KLRK1: variants seen among roughly 807,000 people sequenced by gnomAD.
KLRK1 encodes the protein killer cell lectin like receptor K1, also known as NKG2-D type II integral membrane protein.
A neutral mutation model predicts 31.3 loss-of-function variants in KLRK1; 40 were observed. The ratio of observed to expected loss-of-function variants is 1.28; its 90% CI spans 0.99 to 1.67. The LOEUF (loss-of-function observed/expected upper bound fraction) is 1.67. KLRK1 is among the 40% of genes most tolerant of loss of function. The pLI is 0.00. For missense variants in KLRK1, 251 were observed against 260.0 expected, an observed-to-expected ratio of 0.97 and a Z score of 0.24; for synonymous variants, 77 against 77.3, an observed-to-expected ratio of 1.00 and a Z score of 0.02.
At chr12:10,374,395 C>CTTTTTTTT (rs1412379809) in intron 7 of KLRK1, among the ~76,000 whole-genome samples, 13 of 93,960 alleles carry the variant, frequency 1.4e-4, no homozygotes, top group African/African-American at 5.8e-4. Context: ...TTTCCTCTCT[C>CTTTTTTTT]TCTTTTTTTT....
At chr12:10,387,264 G>A (rs916153326) in intron 2 of KLRK1, among the ~76,000 whole-genome samples, 2 of 152,062 alleles carry the variant, frequency 1.3e-5, no homozygotes, top group African/African-American at 2.4e-5. Context: ...TAGTTAATTC[G>A]TAATGTATAA....
At chr12:10,379,505 T>A in intron 4 of KLRK1, 23 bp from the exon 5 acceptor site, 1 of 1,443,784 alleles carries the variant, frequency 6.9e-7, no homozygotes, top group Non-Finnish European at 9.5e-7. Flanking sequence ...CCATAAGTAT[T>A]AAAAGTTTGT....
intron 7 of KLRK1, among the ~76,000 whole-genome samples, chr12:10,376,618 G>A (rs1246445359): frequency 6.6e-6 from 1 of 151,662 alleles, no homozygotes; most frequent in Non-Finnish European, 1.5e-5. Context: ...AACTAAAAAA[G>A]CAAATTTAAC....
chr12:10,384,698 T>TACA (rs1863134903), intron 3 of KLRK1, among the ~76,000 whole-genome samples: 4 of 152,034 alleles, frequency 2.6e-5, no homozygotes, highest in African/African-American at 9.7e-5. Context: ...AAAGATTTTA[T>TACA]GGGTAAGAAT....
chr12:10,376,122 G>T (rs1356395720), intron 7 of KLRK1, among the ~76,000 whole-genome samples: 1 of 152,152 alleles, frequency 6.6e-6, no homozygotes, highest in Non-Finnish European at 1.5e-5. Flanking sequence ...AAGATTTAGG[G>T]TAAACAATAC....
At position 10,372,909 on chromosome 12, in the gene KLRK1, A is replaced by T; in HGVS notation, c.*205T>A. ...CCTTGGGGATATCTGAATTGCCTTT[A>T]GGATCTCTCTTCTTTTGTCTTGGAG... On this transcript the variant is annotated 3_prime_UTR_variant, in exon 8 of 8. Coordinates refer to ENST00000240618, the MANE Select transcript of KLRK1 (RefSeq NM_007360.4). The T allele has an allele frequency of 1.9e-6, 1 of 516,688 alleles. No homozygotes were observed. 32.0% of individuals were successfully genotyped at this position (516,688 alleles called of 1,614,324 possible).
Position 10,388,378 on chromosome 12 carries a change from G to C in KLRK1, c.40+393C>G, listed in dbSNP as rs1591587510. ...TGATTTGAATATTACACAAATCTAA[G>C]ATAAATATGGAATGTTTCATGCCTG... is the stretch of plus-strand genomic sequence containing the variant. On this transcript the variant is annotated intron_variant, in intron 2 of 7. Transcript: ENST00000240618. Among the ~76,000 whole-genome samples, 5 of 152,176 alleles carry C rather than the reference G, an allele frequency of 3.3e-5. No individual in the cohort carries two copies. In the East Asian group the frequency reaches 9.6e-4, roughly 29 times the overall value.
intron 2 of KLRK1, 88 bp downstream of exon 2, chr12:10,388,683 T>C: frequency 6.8e-7 from 1 of 1,467,662 alleles, no homozygotes. Context: ...GTAAATTGCT[T>C]GCCTATGCCT....
Position 10,373,189 on chromosome 12 carries a change from A to G in KLRK1, c.576T>C (p.Tyr192=), listed in dbSNP as rs1430371185. 3 of 1,611,776 alleles carry G rather than the reference A, an allele frequency of 1.9e-6. No individual in the cohort carries two copies. The African/African-American group carries it at 4.0e-5, about 22-fold the overall frequency. ...CTATATAGCCTTTAAAGCTCGAGGCATAGAGTGCACAGTCTCCCTTCTGCA... is the reference window on the plus strand; with the variant it reads ...CTATATAGCCTTTAAAGCTCGAGGCGTAGAGTGCACAGTCTCCCTTCTGCA... The part of the protein sequence containing the change: ...IEMQKGDCAL[Y]ASSFKGYIEN... The change falls in exon 8 of 8, where the codon TAT becomes TAC. Residue 192 remains tyrosine, a synonymous_variant. Coordinates refer to ENST00000240618, the MANE Select transcript of KLRK1 (RefSeq NM_007360.4).
intron 5 of KLRK1, chr12:10,378,928 T>A: frequency 1.0e-5 from 4 of 394,176 alleles, no homozygotes; most frequent in Non-Finnish European, 1.7e-5. Context: ...CCAAGGCAGG[T>A]GACTCACTTG....
intron 3 of KLRK1, 30 bp downstream of exon 3, chr12:10,386,873 G>A (rs1190627274): frequency 6.4e-7 from 1 of 1,559,452 alleles, no homozygotes; most frequent in East Asian, 2.3e-5. Context: ...TCAATATACT[G>A]AGAGTAGACA....
chr12:10,385,367 G>GACACACACACACACAC (rs3055416), intron 3 of KLRK1, among the ~76,000 whole-genome samples: 2,142 of 145,764 alleles, frequency 0.015, 20 homozygotes, highest in Middle Eastern at 0.048. Flanking sequence ...AGCACACACA[G>GACACACACACACACAC]ACACACACAC....
chr12:10,374,894 T>TAATC (rs1297890918), intron 7 of KLRK1, among the ~76,000 whole-genome samples: 1 of 152,234 alleles, frequency 6.6e-6, no homozygotes. Context: ...AATTGTGCAG[T>TAATC]AATCAACCAA....
At chr12:10,383,687 T>C (rs1484156101) in intron 3 of KLRK1, among the ~76,000 whole-genome samples, 3 of 152,102 alleles carry the variant, frequency 2.0e-5, no homozygotes, top group Non-Finnish European at 4.4e-5. Context: ...ATCCAACTGC[T>C]GCAAAATACA....
intron 7 of KLRK1, 143 bp downstream of exon 7, chr12:10,377,989 A>G (rs1862996624): frequency 1.3e-6 from 1 of 786,926 alleles, no homozygotes; most frequent in African/African-American, 1.8e-5. Context: ...CTTTCTCCCA[A>G]ATTTAGGGCC....
At chr12:10,389,208 C>T (rs546627799) in intron 1 of KLRK1, among the ~76,000 whole-genome samples, 21 of 152,210 alleles carry the variant, frequency 1.4e-4, no homozygotes, top group African/African-American at 5.1e-4. Flanking sequence ...TGCTTCTTGG[C>T]CTTTTAGCTA....
chr12:10,381,079 C>G (rs897257264), intron 3 of KLRK1, among the ~76,000 whole-genome samples: 20 of 151,824 alleles, frequency 1.3e-4, no homozygotes, highest in African/African-American at 4.8e-4. Context: ...AGCCCTATGC[C>G]CAGGGAACAG....
chr12:10,384,280 A>G (rs2617156), intron 3 of KLRK1, among the ~76,000 whole-genome samples: 112,831 of 151,514 alleles, frequency 0.74, 42,885 homozygotes, highest in South Asian at 0.88. Flanking sequence ...ACCACAAAAG[A>G]CTGAATAGCC....
intron 3 of KLRK1, among the ~76,000 whole-genome samples, chr12:10,382,927 G>C (rs75621395): frequency 2.6e-5 from 4 of 151,986 alleles, no homozygotes; most frequent in Admixed American, 2.6e-4. Context: ...AAGTTAAGCT[G>C]TCATCAGTAT....
Sources: allele counts gnomAD v4.1 joint callset (sites outside exome capture counted in the v4.1 genomes callset), GRCh38; gene constraint gnomAD v4.1.1; transcripts MANE v1.5; gene names NCBI Gene and HGNC (gene_info 2026-07-23, HGNC 2026-07-21).